The following STPG4 variants were observed in gnomAD, a reference collection of about 807,000 sequenced individuals.
STPG4 encodes the protein sperm-tail PG-rich repeat containing 4, also known as protein STPG4.
Under a neutral mutation model 31.5 loss-of-function variants are expected in STPG4, and 41 were observed. The observed-to-expected ratio is 1.30, with a 90% CI of 1.01 to 1.69. The LOEUF is 1.69. STPG4 is among the 40% of genes most tolerant of loss of function. The pLI is 0.00. For synonymous variants in STPG4, 141 were observed against 103.0 expected (o/e 1.37, Z -2.24); for missense variants, 375 against 293.4 (o/e 1.28, Z -2.03).
At chr2:47,095,628 C>T (rs1006349083) in intron 5 of STPG4, among the ~76,000 whole-genome samples, 1 of 152,170 alleles carries the variant, frequency 6.6e-6, no homozygotes, top group East Asian at 1.9e-4. Flanking sequence ...TTTATTCAGC[C>T]AATATACATT....
chr2:47,149,779 G>T (rs775554085), intron 3 of STPG4, among the ~76,000 whole-genome samples: 2 of 152,214 alleles, frequency 1.3e-5, no homozygotes, highest in Admixed American at 6.5e-5. Flanking sequence ...TTAATGCAGA[G>T]AGAACTGAGA....
intron 5 of STPG4, among the ~76,000 whole-genome samples, chr2:47,092,956 C>T (rs1373286003): frequency 1.3e-5 from 2 of 152,144 alleles, no homozygotes; most frequent in African/African-American, 4.8e-5. Flanking sequence ...CCAAGCCTGG[C>T]TAATGTTTGT....
chr2:47,097,789 G>A (rs1195604083), intron 5 of STPG4, among the ~76,000 whole-genome samples: 1 of 152,134 alleles, frequency 6.6e-6, no homozygotes, highest in Non-Finnish European at 1.5e-5. Flanking sequence ...CATGTGGTGT[G>A]TATTCACAGA....
chr2:47,110,067 C>G (rs1686004342), intron 5 of STPG4, among the ~76,000 whole-genome samples: 1 of 150,126 alleles, frequency 6.7e-6, no homozygotes, highest in South Asian at 2.1e-4. Context: ...TTTGTTCCCA[C>G]TATCAGGAAA....
chr2:47,095,189 G>C (rs761415244), intron 5 of STPG4, among the ~76,000 whole-genome samples: 1 of 152,172 alleles, frequency 6.6e-6, no homozygotes, highest in African/African-American at 2.4e-5. Flanking sequence ...TATGAATTTG[G>C]AGTTCCCGGT....
At chr2:47,150,948 A>G (rs1379421267) in intron 3 of STPG4, among the ~76,000 whole-genome samples, 1 of 152,152 alleles carries the variant, frequency 6.6e-6, no homozygotes. Flanking sequence ...GCTTGAAGAG[A>G]TAAGAGCATA....
At chr2:47,148,680 C>G (rs1042191277) in intron 3 of STPG4, among the ~76,000 whole-genome samples, 6 of 152,128 alleles carry the variant, frequency 3.9e-5, no homozygotes, top group Admixed American at 2.0e-4. Flanking sequence ...TCCCTCTCCA[C>G]TCCCCCAACT....
chr2:47,140,246 G>C (rs1393361737), intron 3 of STPG4, among the ~76,000 whole-genome samples: 1 of 152,174 alleles, frequency 6.6e-6, no homozygotes, highest in Non-Finnish European at 1.5e-5. Flanking sequence ...CCTCAGGTCA[G>C]TTAGGTCCTG....
At chr2:47,141,557 CAA>C (rs200257521) in intron 3 of STPG4, among the ~76,000 whole-genome samples, 39,854 of 140,132 alleles carry the variant, frequency 0.28, 5,370 homozygotes, top group Admixed American at 0.33. Flanking sequence ...AGTCCTGCCT[CAA>C]AAAAAAAAAA....
intron 3 of STPG4, among the ~76,000 whole-genome samples, chr2:47,150,365 T>A (rs1686910989): frequency 6.6e-6 from 1 of 152,134 alleles, no homozygotes; most frequent in Non-Finnish European, 1.5e-5. Flanking sequence ...TACCTCTGGG[T>A]CAGGAACATC....
At chr2:47,121,847 C>CGTGTGTGTGT (rs10538224) in intron 5 of STPG4, among the ~76,000 whole-genome samples, 6,983 of 144,120 alleles carry the variant, frequency 0.048, 208 homozygotes, top group Admixed American at 0.066. Flanking sequence ...GCCCTCTCCT[C>CGTGTGTGTGT]GTGTGTGTGT....
chr2:47,117,975 G>A (rs1216928264), intron 5 of STPG4, among the ~76,000 whole-genome samples: 1 of 151,688 alleles, frequency 6.6e-6, no homozygotes, highest in Non-Finnish European at 1.5e-5. Flanking sequence ...TGCCCAGGCT[G>A]GTCTTGAACT....
At chr2:47,092,583 A>AAGGGGAGGGGAGGGAGG (rs1685591993) in intron 5 of STPG4, among the ~76,000 whole-genome samples, 1 of 70,760 alleles carries the variant, frequency 1.4e-5, no homozygotes, top group African/African-American at 5.6e-5. Context: ...GGGGAGGGAG[A>AAGGGGAGGGGAGGGAGG]AGGGGAGGGG....
intron 3 of STPG4, 110 bp downstream of exon 3, chr2:47,151,148 A>C: frequency 7.5e-7 from 1 of 1,330,028 alleles, no homozygotes; most frequent in Non-Finnish European, 1.0e-6. Flanking sequence ...AAGACATCTT[A>C]AAGGTTTTCC....
chr2:47,103,578 C>G (rs147051707), intron 5 of STPG4, among the ~76,000 whole-genome samples: 3,989 of 151,950 alleles, frequency 0.026, 244 homozygotes, highest in African/African-American at 0.092. Context: ...GAAAATGGAG[C>G]AGGCCAATCA....
At chr2:47,146,896 G>A (rs554627950) in intron 3 of STPG4, among the ~76,000 whole-genome samples, 6 of 152,004 alleles carry the variant, frequency 3.9e-5, no homozygotes, top group Non-Finnish European at 8.8e-5. Flanking sequence ...CAGCACTTTG[G>A]GGGGATGAGG....
In STPG4 at chr2:47,107,676, G is replaced by A. The variant is rs182138957; in HGVS notation, c.520-17302C>T. On this transcript the variant is annotated intron_variant, in intron 5 of 6. Transcript: ENST00000445927. ...GCTGAGGAGTGCGGGCACATGGTGC[G>A]GGACTGGCAGGCAGCTCCACCTGCA... Among the ~76,000 whole-genome samples the A allele has an allele frequency of 2.7e-4, 41 of 152,282 alleles. No homozygotes were observed. In the East Asian group the frequency reaches 2.7e-3, roughly 10 times the overall value.
intron 5 of STPG4, among the ~76,000 whole-genome samples, chr2:47,094,264 G>C (rs1685628285): frequency 6.6e-6 from 1 of 152,166 alleles, no homozygotes; most frequent in African/African-American, 2.4e-5. Context: ...GTTTACCAAA[G>C]CTAAGCCTTT....
chr2:47,092,940 G>A (rs143563228), intron 5 of STPG4, among the ~76,000 whole-genome samples: 2,224 of 152,154 alleles, frequency 0.015, 26 homozygotes, highest in Non-Finnish European at 0.022. Flanking sequence ...CTACAGGTGC[G>A]TGCCACCAAG....
Sources: gnomAD v4.1 joint callset for allele counts (sites outside exome capture counted in the v4.1 genomes callset) on GRCh38, gnomAD v4.1.1 for gene constraint, MANE v1.5 for transcripts, NCBI Gene and HGNC (gene_info 2026-07-23, HGNC 2026-07-21) for gene names.